PDE11A: variants seen among roughly 807,000 people sequenced by gnomAD.
PDE11A encodes the protein dual 3',5'-cyclic-AMP and -GMP phosphodiesterase 11A.
Under a neutral mutation model 100.5 loss-of-function variants are expected in PDE11A, and 100 were observed. The observed-to-expected ratio is 1.00, with a 90% CI of 0.85 to 1.18. The LOEUF is 1.18. PDE11A is among the 50% of genes most tolerant of loss of function. The pLI, the probability that PDE11A is intolerant of heterozygous loss-of-function variation, is 0.00. For missense variants in PDE11A, 1,141 were observed against 1,152.6 expected, an observed-to-expected ratio of 0.99 and a Z score of 0.15; for synonymous variants, 381 against 420.8, an observed-to-expected ratio of 0.91 and a Z score of 1.16.
chr2:177,634,699 A>G (rs2080011853), intron 19 of PDE11A, among the ~76,000 whole-genome samples: 1 of 152,130 alleles, frequency 6.6e-6, no homozygotes, highest in East Asian at 1.9e-4. Flanking sequence ...ACTTATTCTT[A>G]CACTCTTAAT....
intron 3 of PDE11A, among the ~76,000 whole-genome samples, chr2:177,902,054 G>T (rs1165797102): frequency 6.6e-6 from 1 of 152,142 alleles, no homozygotes; most frequent in African/African-American, 2.4e-5. Context: ...GAAAATCTAG[G>T]ATAATATCTG....
At chr2:177,725,530 T>A (rs1290704941) in intron 12 of PDE11A, among the ~76,000 whole-genome samples, 1 of 152,130 alleles carries the variant, frequency 6.6e-6, no homozygotes, top group African/African-American at 2.4e-5. Context: ...AGTCTCCTCT[T>A]TCTGTGTTAG....
chr2:177,853,959 T>C (rs1272983698), intron 5 of PDE11A, among the ~76,000 whole-genome samples: 2 of 148,904 alleles, frequency 1.3e-5, no homozygotes, highest in Non-Finnish European at 3.0e-5. Context: ...TATATATATG[T>C]GTATACACAC....
intron 2 of PDE11A, among the ~76,000 whole-genome samples, chr2:177,992,347 G>A (rs1164862807): frequency 6.6e-6 from 1 of 151,418 alleles, no homozygotes; most frequent in Non-Finnish European, 1.5e-5. Flanking sequence ...TGGTGGTTAA[G>A]TGTGGAAAAA....
intron 18 of PDE11A, among the ~76,000 whole-genome samples, chr2:177,666,904 AATTT>A (rs3056898): frequency 5.0e-5 from 7 of 141,378 alleles, no homozygotes; most frequent in African/African-American, 1.0e-4. Context: ...GATAAAGTTC[AATTT>A]ATTTATTTAT....
chr2:177,694,516 G>A (rs1244035481), intron 15 of PDE11A, among the ~76,000 whole-genome samples: 5 of 152,162 alleles, frequency 3.3e-5, no homozygotes, highest in Non-Finnish European at 7.4e-5. Flanking sequence ...AAATGAGGTT[G>A]TAGATGTCAC....
chr2:177,965,314 T>C (rs1242249335), intron 2 of PDE11A, among the ~76,000 whole-genome samples: 1 of 152,184 alleles, frequency 6.6e-6, no homozygotes, highest in African/African-American at 2.4e-5. Flanking sequence ...TCCCATCCTG[T>C]AGGTTGTCTG....
chr2:177,643,598 G>C (rs574108293), intron 19 of PDE11A, among the ~76,000 whole-genome samples: 1 of 152,170 alleles, frequency 6.6e-6, no homozygotes, highest in African/African-American at 2.4e-5. Flanking sequence ...CAATAGAAAA[G>C]AAAATATCAT....
At chr2:177,834,368 G>C (rs1233992662) in intron 6 of PDE11A, among the ~76,000 whole-genome samples, 2 of 152,176 alleles carry the variant, frequency 1.3e-5, no homozygotes, top group Non-Finnish European at 2.9e-5. Flanking sequence ...TCATTCTCAG[G>C]CATTGGAAAT....
chr2:178,069,451 T>C (rs759810738), intron 1 of PDE11A, among the ~76,000 whole-genome samples: 3 of 152,132 alleles, frequency 2.0e-5, no homozygotes, highest in Non-Finnish European at 4.4e-5. Context: ...AGAAACTTTC[T>C]AACCAAATGA....
chr2:178,042,463 G>C (rs944746997), intron 1 of PDE11A, among the ~76,000 whole-genome samples: 5 of 124,768 alleles, frequency 4.0e-5, no homozygotes, highest in African/African-American at 1.5e-4. Flanking sequence ...TGGTGACAGA[G>C]CAAGACTCTG....
intron 9 of PDE11A, among the ~76,000 whole-genome samples, chr2:177,797,877 A>G (rs1465028988): frequency 6.6e-6 from 1 of 152,246 alleles, no homozygotes; most frequent in Non-Finnish European, 1.5e-5. Context: ...CTCAGCTGCC[A>G]ACATGATCTC....
intron 15 of PDE11A, among the ~76,000 whole-genome samples, chr2:177,686,309 G>A (rs186402332): frequency 1.6e-4 from 24 of 152,336 alleles, no homozygotes; most frequent in African/African-American, 5.0e-4. Flanking sequence ...GGTCACGCCT[G>A]TAATCCCAGT....
chr2:177,891,825 A>C (rs2084533922), intron 4 of PDE11A, among the ~76,000 whole-genome samples: 1 of 152,228 alleles, frequency 6.6e-6, no homozygotes. Flanking sequence ...GAGTAGCTGC[A>C]ATAGAGACTG....
intron 13 of PDE11A, among the ~76,000 whole-genome samples, chr2:177,703,226 G>A (rs1392515352): frequency 6.6e-6 from 1 of 152,070 alleles, no homozygotes. Flanking sequence ...GCTACCATTA[G>A]TATCTACCAT....
chr2:177,849,837 A>T (rs914664338), intron 5 of PDE11A, among the ~76,000 whole-genome samples: 4 of 151,932 alleles, frequency 2.6e-5, no homozygotes, highest in African/African-American at 9.7e-5. Context: ...AGGAATGTGA[A>T]GGACCTCTTC....
intron 15 of PDE11A, among the ~76,000 whole-genome samples, chr2:177,693,193 C>T (rs369713405): frequency 6.6e-6 from 1 of 152,162 alleles, no homozygotes; most frequent in Non-Finnish European, 1.5e-5. Flanking sequence ...AGTGCCTCAG[C>T]GGTCCTGCGG....
At chr2:177,667,134 G>C (rs933189343) in intron 18 of PDE11A, among the ~76,000 whole-genome samples, 1 of 151,898 alleles carries the variant, frequency 6.6e-6, no homozygotes. Context: ...GGCTGGTCTC[G>C]AACTCCTGAC....
chr2:177,981,794 T>G (rs1425006231), intron 2 of PDE11A, among the ~76,000 whole-genome samples: 1 of 151,062 alleles, frequency 6.6e-6, no homozygotes, highest in African/African-American at 2.4e-5. Flanking sequence ...TACTTCAAAA[T>G]TGTAGAATAT....
Sources: allele counts gnomAD v4.1 joint callset (sites outside exome capture counted in the v4.1 genomes callset), GRCh38; gene constraint gnomAD v4.1.1; transcripts MANE v1.5; gene names NCBI Gene and HGNC (gene_info 2026-07-23, HGNC 2026-07-21).